NAALADL2: variants seen among roughly 807,000 people sequenced by gnomAD.
NAALADL2 encodes inactive N-acetylated-alpha-linked acidic dipeptidase-like protein 2.
A neutral mutation model predicts 87.2 loss-of-function variants in NAALADL2; 76 were observed. The ratio of observed to expected loss-of-function variants is 0.87; its 90% confidence interval spans 0.72 to 1.05. The LOEUF is 1.05. Among genes scored for constraint, NAALADL2 ranks in the 50% least tolerant of loss-of-function variants. The probability of loss-of-function intolerance (pLI) is 0.00; values close to 1 mark genes in which losing one functional copy is unlikely to be tolerated. For missense variants in NAALADL2, 1,089 were observed against 945.8 expected, an observed-to-expected ratio of 1.15 and a Z score of -1.99; for synonymous variants, 354 against 331.0, an observed-to-expected ratio of 1.07 and a Z score of -0.75.
At position 174,909,417 on chromosome 3, in the gene NAALADL2, C is replaced by G. The variant is rs149915542; in HGVS notation, c.43+49967C>G. Among the ~76,000 whole-genome samples, 408 of 152,096 alleles carry G rather than the reference C, an allele frequency of 2.7e-3. 2 individuals carry two copies. The highest frequency in any genetic ancestry group is 9.5e-3 in the African/African-American group (395 of 41,458). ...TCTCAAAAAACAATTATAGAGCACT[C>G]TATACACACCAGACACTTGTGCAAA... On this transcript the variant is annotated intron_variant, in intron 1 of 13. Transcript: ENST00000454872.
At chr3:174,655,026 G>T (rs1166280866) in intron 2 of NAALADL2, among the ~76,000 whole-genome samples, 4 of 152,078 alleles carry the variant, frequency 2.6e-5, no homozygotes, top group African/African-American at 9.7e-5. Flanking sequence ...TGAGCTTACC[G>T]TGCCTGGCCT....
At chr3:175,042,333 A>G (rs1481219006) in intron 1 of NAALADL2, among the ~76,000 whole-genome samples, 2 of 152,102 alleles carry the variant, frequency 1.3e-5, no homozygotes, top group Non-Finnish European at 1.5e-5. Context: ...CATTTTCTTT[A>G]TCCAGTTGCT....
intron 1 of NAALADL2, among the ~76,000 whole-genome samples, chr3:174,445,659 A>C (rs891277512): frequency 6.6e-6 from 1 of 152,184 alleles, no homozygotes; most frequent in African/African-American, 2.4e-5. Context: ...CGGCATGCAC[A>C]TATGATGTAA....
chr3:175,140,348 G>A (rs1013282014), intron 2 of NAALADL2, among the ~76,000 whole-genome samples: 1 of 152,102 alleles, frequency 6.6e-6, no homozygotes, highest in African/African-American at 2.4e-5. Flanking sequence ...CTATATGCAT[G>A]AGATCATGTC....
At chr3:175,710,182 CA>C (rs144066405) in intron 11 of NAALADL2, among the ~76,000 whole-genome samples, 5,073 of 151,876 alleles carry the variant, frequency 0.033, 276 homozygotes, top group African/African-American at 0.12. Context: ...AGGAAAGAAA[CA>C]GAAGGTCTGT....
intron 1 of NAALADL2, among the ~76,000 whole-genome samples, chr3:174,948,007 A>C (rs1189535295): frequency 1.3e-5 from 2 of 152,108 alleles, no homozygotes; most frequent in East Asian, 3.8e-4. Context: ...ATATTTAATT[A>C]GACATGTAAC....
chr3:175,505,940 G>A (rs1305674088), intron 9 of NAALADL2, among the ~76,000 whole-genome samples: 1 of 152,088 alleles, frequency 6.6e-6, no homozygotes, highest in Non-Finnish European at 1.5e-5. Flanking sequence ...TCTGGGTTCT[G>A]GTGATTGGTA....
intron 3 of NAALADL2, among the ~76,000 whole-genome samples, chr3:174,816,735 A>G (rs1720858495): frequency 6.6e-6 from 1 of 152,026 alleles, no homozygotes; most frequent in Non-Finnish European, 1.5e-5. Flanking sequence ...ACTACTATTT[A>G]TTAAGTCCTT....
chr3:174,838,843 A>G (rs894833314), intron 3 of NAALADL2, among the ~76,000 whole-genome samples: 11 of 152,204 alleles, frequency 7.2e-5, no homozygotes, highest in African/African-American at 2.4e-5. Context: ...GAAAGAAATC[A>G]TAGACGACAC....
At chr3:174,651,088 A>T (rs189434097) in intron 2 of NAALADL2, among the ~76,000 whole-genome samples, 1 of 151,990 alleles carries the variant, frequency 6.6e-6, no homozygotes, top group African/African-American at 2.4e-5. Context: ...TCTTATTTTT[A>T]TTTTTAGCTT....
chr3:175,722,261 G>A (rs1742339607), intron 11 of NAALADL2, among the ~76,000 whole-genome samples: 2 of 152,068 alleles, frequency 1.3e-5, no homozygotes, highest in Non-Finnish European at 2.9e-5. Flanking sequence ...TATCTAAAAT[G>A]TTTGACCTTT....
At chr3:175,194,255 T>C (rs1308906624) in intron 2 of NAALADL2, among the ~76,000 whole-genome samples, 1 of 151,932 alleles carries the variant, frequency 6.6e-6, no homozygotes, top group African/African-American at 2.4e-5. Context: ...ATTTTGCTTA[T>C]GGCATCTGTT....
intron 3 of NAALADL2, among the ~76,000 whole-genome samples, chr3:174,746,765 A>G (rs1560190930): frequency 1.3e-5 from 2 of 152,178 alleles, no homozygotes; most frequent in Non-Finnish European, 2.9e-5. Flanking sequence ...AGATCTCAGA[A>G]ATAAGACCAC....
intron 1 of NAALADL2, among the ~76,000 whole-genome samples, chr3:174,924,809 C>A (rs865923293): frequency 6.6e-6 from 1 of 152,120 alleles, no homozygotes; most frequent in East Asian, 1.9e-4. Context: ...TCTCTGATGG[C>A]CAGTGATGAT....
chr3:175,653,593 A>G (rs1731071738), intron 11 of NAALADL2, among the ~76,000 whole-genome samples: 1 of 152,146 alleles, frequency 6.6e-6, no homozygotes, highest in South Asian at 2.1e-4. Context: ...TTCGTTTGCC[A>G]TATCTACAAT....
intron 1 of NAALADL2, among the ~76,000 whole-genome samples, chr3:174,544,435 C>G (rs532266769): frequency 3.9e-5 from 6 of 151,998 alleles, no homozygotes; most frequent in Admixed American, 3.9e-4. Context: ...TTAAAAAAGT[C>G]CTAGAATTCT....
At chr3:174,938,077 T>G (rs1169811722) in intron 1 of NAALADL2, among the ~76,000 whole-genome samples, 2 of 152,002 alleles carry the variant, frequency 1.3e-5, no homozygotes, top group Non-Finnish European at 2.9e-5. Flanking sequence ...GTTATACAGG[T>G]AAACTCCCGT....
intron 1 of NAALADL2, among the ~76,000 whole-genome samples, chr3:174,869,895 T>C (rs563878844): frequency 8.7e-5 from 13 of 149,462 alleles, no homozygotes; most frequent in Non-Finnish European, 1.0e-4. Context: ...ACTTGGGAGG[T>C]TGAGGCAGGA....
At chr3:175,739,215 A>C (rs1471322663) in intron 12 of NAALADL2, among the ~76,000 whole-genome samples, 1 of 146,096 alleles carries the variant, frequency 6.8e-6, no homozygotes, top group East Asian at 1.9e-4. Flanking sequence ...GTCATTTTAC[A>C]TGCTAAAATC....
Sources: gnomAD v4.1 joint callset for allele counts (sites outside exome capture counted in the v4.1 genomes callset) on GRCh38, gnomAD v4.1.1 for gene constraint, MANE v1.5 for transcripts, NCBI Gene and HGNC (gene_info 2026-07-23, HGNC 2026-07-21) for gene names.